DNAAF9: variants seen among roughly 807,000 people sequenced by gnomAD.
DNAAF9 encodes the protein dynein axonemal assembly factor 9.
A neutral mutation model predicts 167.0 loss-of-function variants in DNAAF9; 90 were observed. The ratio of observed to expected loss-of-function variants is 0.54; its 90% CI spans 0.45 to 0.64. The LOEUF (loss-of-function observed/expected upper bound fraction) is 0.64. DNAAF9 is among the 30% of genes least tolerant of loss of function. The pLI, the probability that DNAAF9 is intolerant of heterozygous loss-of-function variation, is 0.00. For missense variants in DNAAF9, 1,315 were observed against 1,442.2 expected (o/e 0.91, Z 1.43); for synonymous variants, 491 against 508.8 (o/e 0.96, Z 0.47).
At chr20:3,379,011 C>T (rs2123236295) in intron 3 of DNAAF9, among the ~76,000 whole-genome samples, 1 of 151,790 alleles carries the variant, frequency 6.6e-6, no homozygotes, top group Non-Finnish European at 1.5e-5. Flanking sequence ...ATTGGTCCTT[C>T]TCACACACTC....
At chr20:3,336,986 T>C (rs2069969131) in intron 10 of DNAAF9, among the ~76,000 whole-genome samples, 1 of 151,350 alleles carries the variant, frequency 6.6e-6, no homozygotes, top group African/African-American at 2.4e-5. Context: ...TTCACACCGT[T>C]CTCCTGCCTC....
At chr20:3,332,407 G>T in intron 10 of DNAAF9, 46 bp from the exon 11 acceptor site, 1 of 961,298 alleles carries the variant, frequency 1.0e-6, no homozygotes, top group Non-Finnish European at 1.7e-6. Flanking sequence ...AATAACTTAG[G>T]CATGTACTAG....
At position 3,315,626 on chromosome 20, in the gene DNAAF9, G is replaced by T; in HGVS notation, c.1590+109C>A. ...GCAAATAGGAAGTGAAGACAACATA[G>T]TGCAAGTCTTTTAGATTAGTAGTGA... On this transcript the variant is annotated intron_variant, in intron 19 of 36. Transcript: ENST00000252032. The surrounding 1 kb of genome is among the most constrained non-coding windows in gnomAD (Gnocchi z 4.1). 1.2e-6 allele frequency: 1 copy of T among 867,432 alleles called. No homozygotes were observed. Among genetic ancestry groups the T allele is most frequent in the Non-Finnish European group, 2.0e-6 (1 of 509,896 alleles). The allele number at this position is 867,432 out of a possible 1,614,324, so 53.7% of individuals were successfully genotyped here.
intron 4 of DNAAF9, among the ~76,000 whole-genome samples, chr20:3,375,394 A>C (rs2083562579): frequency 6.6e-6 from 1 of 152,210 alleles, no homozygotes; most frequent in Admixed American, 6.5e-5. Flanking sequence ...AAATTCCGCC[A>C]AATACTCATA....
intron 1 of DNAAF9, among the ~76,000 whole-genome samples, chr20:3,401,513 C>T (rs2083983791): frequency 6.6e-6 from 1 of 152,192 alleles, no homozygotes; most frequent in African/African-American, 2.4e-5. Context: ...GAACCACTTT[C>T]TTACCACCTA....
At chr20:3,372,229 T>G (rs900899176) in intron 6 of DNAAF9, among the ~76,000 whole-genome samples, 20 of 152,026 alleles carry the variant, frequency 1.3e-4, no homozygotes, top group African/African-American at 4.6e-4. Context: ...CAGAGTGGAG[T>G]AGAGAGGGCA....
At chr20:3,294,460 C>T (rs1226616824) in intron 24 of DNAAF9, 68 bp downstream of exon 24, 11 of 1,095,778 alleles carry the variant, frequency 1.0e-5, no homozygotes, top group Non-Finnish European at 1.3e-5. Flanking sequence ...TTAAAAGGAC[C>T]AACACTGAGG....
At chr20:3,262,979 TTTTTTTTTTTTTTG>T (rs1256534191) in intron 31 of DNAAF9, among the ~76,000 whole-genome samples, 2 of 135,286 alleles carry the variant, frequency 1.5e-5, no homozygotes, top group African/African-American at 5.8e-5. Context: ...TTTTTTTTTT[TTTTTTTTTTTTTTG>T]AGACGGAGTC....
At chr20:3,396,678 A>T (rs998617277) in intron 1 of DNAAF9, among the ~76,000 whole-genome samples, 1 of 152,226 alleles carries the variant, frequency 6.6e-6, no homozygotes, top group Non-Finnish European at 1.5e-5. Flanking sequence ...GCTATGCAGC[A>T]AGGGCAAAGG....
Position 3,304,446 on chromosome 20 carries a change from A to G in DNAAF9, c.1776T>C (p.Tyr592=), listed in dbSNP as rs866723857. The G allele has an allele frequency of 1.4e-6, 2 of 1,416,512 alleles. No individual in the cohort carries two copies. The highest frequency in any genetic ancestry group is 2.0e-6 in the Non-Finnish European group (2 of 1,000,358). 87.7% of individuals were successfully genotyped at this position (1,416,512 alleles called of 1,614,324 possible). A position where few individuals can be genotyped will look rare whatever the true frequency, so the allele number is the denominator to read the frequency against. Reference sequence around the variant, plus strand: ...TGACTAGTAAAACACCTACCCCATCATAGAAGGAAATGGAATTCATGTGAT... The same window carrying G: ...TGACTAGTAAAACACCTACCCCATCGTAGAAGGAAATGGAATTCATGTGAT... ...SKDHMNSISF[Y]DGDSTSTVAA... Residue 592 remains tyrosine (Y), a synonymous_variant, in exon 21 of 37, where the codon TAT becomes TAC. Coordinates refer to ENST00000252032, the MANE Select transcript of DNAAF9 (RefSeq NM_001009984.3).
At chr20:3,384,351 T>C (rs2083704055) in intron 1 of DNAAF9, 1 of 152,236 alleles carries the variant, frequency 6.6e-6, no homozygotes. Flanking sequence ...AGCTGGTTTT[T>C]GATGTTGCTT....
chr20:3,397,375 G>C (rs2083924575), intron 1 of DNAAF9, among the ~76,000 whole-genome samples: 1 of 152,102 alleles, frequency 6.6e-6, no homozygotes, highest in African/African-American at 2.4e-5. Context: ...CTGGAGTGCA[G>C]TGGCATGATC....
intron 6 of DNAAF9, among the ~76,000 whole-genome samples, chr20:3,365,355 C>T (rs1055897404): frequency 6.7e-6 from 1 of 149,982 alleles, no homozygotes; most frequent in Non-Finnish European, 1.5e-5. Flanking sequence ...CTGTGATATG[C>T]CACACTATTT....
Position 3,330,685 on chromosome 20 carries a change from G to A in DNAAF9, c.1064-3C>T. On this transcript the variant is annotated splice_region_variant and splice_polypyrimidine_tract_variant and intron_variant, in intron 11 of 36. Coordinates refer to ENST00000252032, the MANE Select transcript of DNAAF9 (RefSeq NM_001009984.3). ...CTTGGGCAGCTTGCTGTCACCACCT[G>A]TGAAAGAGGCCCACTAAGAATGTGA... 1 of 1,582,606 alleles carries A rather than the reference G, an allele frequency of 6.3e-7. No individual in the cohort carries two copies. Among genetic ancestry groups the A allele is most frequent in the Non-Finnish European group, 8.7e-7 (1 of 1,153,796 alleles).
Position 3,304,511 on chromosome 20 carries a change from A to G in DNAAF9, c.1711T>C (p.Phe571Leu). The G allele has an allele frequency of 1.3e-6, 2 of 1,509,328 alleles. No individual in the cohort carries two copies. 93.5% of individuals were successfully genotyped at this position (1,509,328 alleles called of 1,614,324 possible). Reference protein sequence around the residue: ...NVHFFSSGLLFSHCRHRSIII... With the variant: ...NVHFFSSGLLLSHCRHRSIII... ...ATACTTCTATGACGACAGTGAGAAA[A>G]CAGAAGGCCACTAGAGAAGAAATGA... Residue 571 changes from phenylalanine (F) to leucine (L), a missense_variant, in exon 21 of 37, where the codon TTT (phenylalanine) becomes CTT (leucine). By Grantham distance (22) the Phe-to-Leu change is conservative. Around this residue, in one of 2 missense-constraint regions of DNAAF9, gnomAD observed 981 missense variants for 1,012.5 expected, o/e 0.97. Transcript: ENST00000252032.
In DNAAF9 at chr20:3,290,176, A is replaced by G. The variant is rs1425038965; in HGVS notation, c.2280T>C (p.Ala760=). The G allele has an allele frequency of 6.2e-7, 1 of 1,613,422 alleles. No homozygotes were observed. Among genetic ancestry groups the G allele is most frequent in the South Asian group, 1.1e-5 (1 of 91,072 alleles). The change falls in exon 26 of 37, where the codon GCT becomes GCC. Residue 760 remains alanine (A), a synonymous_variant. Transcript: ENST00000252032. The part of the protein sequence containing the change: ...SIVTGLPGCH[A]SELCAFLVTL... ...TGACCAGAAAAGCACAGAGCTCGCT[A>G]GCGTGACAGCCTGGGAGGCCGGTTA...
intron 1 of DNAAF9, among the ~76,000 whole-genome samples, chr20:3,402,987 T>C (rs895103902): frequency 9.9e-5 from 15 of 152,216 alleles, no homozygotes; most frequent in African/African-American, 3.4e-4. Flanking sequence ...TATTTATTTT[T>C]TTATCATTTC....
Position 3,286,694 on chromosome 20 carries a change from C to T in DNAAF9, c.2486+938G>A, listed in dbSNP as rs867216283. Among the ~76,000 whole-genome samples the T allele has an allele frequency of 2.6e-4, 39 of 152,280 alleles. No homozygotes were observed. In the South Asian group the frequency reaches 4.1e-3, roughly 16 times the overall value. ...AGATGGCCTGCTAGGGTACACCGTC[C>T]CACCTGCCTCCTTCCTCAGTACCAC... On this transcript the variant is annotated intron_variant, in intron 27 of 36. Transcript: ENST00000252032.
At chr20:3,322,122 G>A in intron 16 of DNAAF9, 95 bp downstream of exon 16, 1 of 820,890 alleles carries the variant, frequency 1.2e-6, no homozygotes. Context: ...GGTGGGGTGG[G>A]CTGCCCAAGA....
Sources: gnomAD v4.1 joint callset for allele counts (sites outside exome capture counted in the v4.1 genomes callset) on GRCh38, gnomAD v4.1.1 for gene constraint, gnomAD v4.1.1 regional missense constraint, Gnocchi (gnomAD v3.1) non-coding constraint, MANE v1.5 for transcripts, NCBI Gene and HGNC (gene_info 2026-07-23, HGNC 2026-07-21) for gene names.